The following ZNF236 variants were observed in gnomAD, a reference collection of about 807,000 sequenced individuals.
ZNF236 encodes the protein zinc finger protein 236.
Under a neutral mutation model 191.2 loss-of-function variants are expected in ZNF236, and 50 were observed. That is an observed-to-expected ratio of 0.26 (90% CI 0.21 to 0.33). ZNF236 has a LOEUF of 0.33. Ranked by LOEUF, ZNF236 falls within the 10% of genes least tolerant of loss-of-function variation. The pLI is 1.00. For missense variants in ZNF236, 1,754 were observed against 2,374.5 expected, an observed-to-expected ratio of 0.74 and a Z score of 5.43; for synonymous variants, 907 against 928.8, an observed-to-expected ratio of 0.98 and a Z score of 0.43.
At chr18:76,913,921 G>C (rs188800538) in intron 18 of ZNF236, 23 bp downstream of exon 18, 1 of 1,612,802 alleles carries the variant, frequency 6.2e-7, no homozygotes, top group East Asian at 2.2e-5. Context: ...CTTATACTTG[G>C]AGATTAGTCC....
Position 76,895,275 on chromosome 18 carries a change from C to T in ZNF236, c.1680C>T (p.Arg560=), listed in dbSNP as rs377226208. 8.8e-6 allele frequency: 14 copies of T among 1,599,322 alleles called. No homozygotes were observed. Among genetic ancestry groups the T allele is most frequent in the Middle Eastern group, 3.3e-4 (2 of 6,082 alleles). Residue 560 remains arginine (R), a synonymous_variant, in exon 10 of 31, where the codon CGC becomes CGT. Coordinates refer to ENST00000320610, the MANE Select transcript of ZNF236 (RefSeq NM_001306089.2). ...CTGGCAGCCTCAAGGTGCACATTCG[C>T]CTGCACACAGGTATGGCCTCAGGGC... ...STSGSLKVHI[R]LHTGVRPFAC...
At chr18:76,896,391 G>T (rs564242717) in intron 10 of ZNF236, among the ~76,000 whole-genome samples, 4 of 146,930 alleles carry the variant, frequency 2.7e-5, no homozygotes, top group African/African-American at 1.0e-4. Context: ...ACTCAGTATC[G>T]AACACAGTAC....
intron 11 of ZNF236, among the ~76,000 whole-genome samples, chr18:76,900,120 A>T (rs917872006): frequency 1.3e-5 from 2 of 152,224 alleles, no homozygotes; most frequent in Non-Finnish European, 2.9e-5. Context: ...TCAATCTATA[A>T]GCAAAATTAA....
intron 3 of ZNF236, among the ~76,000 whole-genome samples, chr18:76,862,760 G>A (rs982167025): frequency 6.6e-6 from 1 of 152,154 alleles, no homozygotes; most frequent in African/African-American, 2.4e-5. Context: ...GCTGCTGCTG[G>A]TCCTTACACT....
chr18:76,875,773 G>T lies in ZNF236; in HGVS notation c.840+109G>T. 8.3e-7 allele frequency: 1 copy of T among 1,209,656 alleles called. No homozygotes were observed. The allele number at this position is 1,209,656 out of a possible 1,614,324, so 74.9% of individuals were successfully genotyped here. A position where few individuals can be genotyped will look rare whatever the true frequency, so the allele number is the denominator to read the frequency against. ...TTTTCCATTTAAAAAAATGCAGATT[G>T]ATTTTGTGCCGAGCAGACCCTGTTT... On this transcript the variant is annotated intron_variant, in intron 6 of 30. Coordinates refer to ENST00000320610, the MANE Select transcript of ZNF236 (RefSeq NM_001306089.2). This position sits in a 1 kb window ranked among gnomAD's most constrained non-coding sequence, Gnocchi z 4.3.
intron 1 of ZNF236, among the ~76,000 whole-genome samples, chr18:76,833,490 G>A (rs1975230691): frequency 6.6e-6 from 1 of 152,062 alleles, no homozygotes; most frequent in Non-Finnish European, 1.5e-5. Context: ...TTAATAGGGT[G>A]AAAAACATTG....
chr18:76,830,875 C>A (rs1442549090), intron 1 of ZNF236, among the ~76,000 whole-genome samples: 1 of 152,106 alleles, frequency 6.6e-6, no homozygotes, highest in Admixed American at 6.5e-5. Flanking sequence ...TTTTGCTAAG[C>A]TCCTGTTGAA....
intron 26 of ZNF236, among the ~76,000 whole-genome samples, chr18:76,945,798 G>T (rs570820981): frequency 4.5e-4 from 69 of 152,124 alleles, no homozygotes; most frequent in Non-Finnish European, 7.4e-4. Flanking sequence ...AAAAGAAAAA[G>T]AACTTTTCAA....
At chr18:76,863,869 G>A (rs1976318624) in intron 3 of ZNF236, among the ~76,000 whole-genome samples, 1 of 152,226 alleles carries the variant, frequency 6.6e-6, no homozygotes, top group Non-Finnish European at 1.5e-5. Flanking sequence ...AATGACACCA[G>A]AAGGAGGCTT....
intron 26 of ZNF236, among the ~76,000 whole-genome samples, chr18:76,942,818 A>G (rs1409403802): frequency 1.3e-5 from 2 of 149,202 alleles, no homozygotes; most frequent in Non-Finnish European, 3.0e-5. Context: ...CCAGCCTAGT[A>G]TTCTTAAATA....
intron 1 of ZNF236, among the ~76,000 whole-genome samples, chr18:76,828,447 C>T (rs945792189): frequency 6.6e-6 from 1 of 152,108 alleles, no homozygotes; most frequent in Admixed American, 6.5e-5. Context: ...GGATTACAGG[C>T]GTGAGCCCCC....
intron 27 of ZNF236, among the ~76,000 whole-genome samples, chr18:76,955,168 A>T (rs554789726): frequency 6.6e-5 from 10 of 152,298 alleles, no homozygotes; most frequent in African/African-American, 2.4e-4. Flanking sequence ...AGCACTTGGG[A>T]GACTGAGGCA....
intron 28 of ZNF236, among the ~76,000 whole-genome samples, chr18:76,958,824 C>T (rs144476065): frequency 6.6e-6 from 1 of 152,324 alleles, no homozygotes; most frequent in East Asian, 1.9e-4. Flanking sequence ...ACACCCACCT[C>T]CCAGACTGTG....
chr18:76,895,167 G>A lies in ZNF236; in HGVS notation c.1572G>A (p.Lys524=), dbSNP rs1290476086. 1.2e-6 allele frequency: 2 copies of A among 1,607,132 alleles called. No individual in the cohort carries two copies. The highest frequency in any genetic ancestry group is 2.2e-5 in the South Asian group (2 of 91,088). ...CPQCFRAFAV[K]STLTAHIKTH... ...AGTGCTTCCGCGCCTTCGCCGTGAAGAGCACGCTGACAGCGCACATCAAGA... is the reference window on the plus strand; with the variant it reads ...AGTGCTTCCGCGCCTTCGCCGTGAAAAGCACGCTGACAGCGCACATCAAGA... Residue 524 remains lysine, a synonymous_variant, in exon 10 of 31, where the codon AAG becomes AAA. Transcript: ENST00000320610.
At chr18:76,870,005 C>G (rs1226569264) in intron 4 of ZNF236, among the ~76,000 whole-genome samples, 1 of 152,134 alleles carries the variant, frequency 6.6e-6, no homozygotes, top group East Asian at 1.9e-4. Context: ...ATTTTAACTA[C>G]TATATTATCA....
intron 1 of ZNF236, among the ~76,000 whole-genome samples, chr18:76,829,312 A>G (rs1021651217): frequency 7.0e-6 from 1 of 143,392 alleles, no homozygotes; most frequent in Non-Finnish European, 1.5e-5. Context: ...CTCACGCATT[A>G]TGGAATCTCC....
intron 27 of ZNF236, among the ~76,000 whole-genome samples, chr18:76,954,413 G>A (rs563304432): frequency 6.6e-6 from 1 of 152,262 alleles, no homozygotes; most frequent in South Asian, 2.1e-4. Flanking sequence ...ATAACTACAG[G>A]TTTTTGTTTG....
intron 7 of ZNF236, among the ~76,000 whole-genome samples, chr18:76,879,424 A>G (rs1976810476): frequency 6.6e-6 from 1 of 152,184 alleles, no homozygotes; most frequent in African/African-American, 2.4e-5. Flanking sequence ...CTGGTGAACG[A>G]ATGTGGATAT....
At chr18:76,945,542 T>G (rs1425687991) in intron 26 of ZNF236, among the ~76,000 whole-genome samples, 3 of 152,216 alleles carry the variant, frequency 2.0e-5, no homozygotes, top group Admixed American at 6.5e-5. Context: ...TCCCACCACT[T>G]TGGGAGGCCA....
Sources: gnomAD v4.1 joint callset for allele counts (sites outside exome capture counted in the v4.1 genomes callset) on GRCh38, gnomAD v4.1.1 for gene constraint, Gnocchi (gnomAD v3.1) non-coding constraint, MANE v1.5 for transcripts, NCBI Gene and HGNC (gene_info 2026-07-23, HGNC 2026-07-21) for gene names.